The following TAF4B variants were observed in gnomAD, a reference collection of about 807,000 sequenced individuals.
TAF4B encodes transcription initiation factor TFIID subunit 4B.
TAF4B carries 38 observed loss-of-function variants against 86.4 expected under a neutral mutation model. The ratio of observed to expected loss-of-function variants is 0.44; its 90% confidence interval spans 0.34 to 0.58. TAF4B has a LOEUF of 0.58. TAF4B is among the 20% of genes least tolerant of loss of function. The probability of loss-of-function intolerance (pLI) is 0.02; values close to 1 mark genes in which losing one functional copy is unlikely to be tolerated. For synonymous variants in TAF4B, 388 were observed against 391.2 expected (o/e 0.99, Z 0.10); for missense variants, 988 against 1,027.6 (o/e 0.96, Z 0.53).
Position 26,286,150 on chromosome 18 carries a change from C to G in TAF4B, c.1241C>G (p.Ser414Cys), listed in dbSNP as rs751006210. The change falls in exon 7 of 15, where the codon TCT (serine) becomes TGT (cysteine). Residue 414 changes from serine to cysteine, a missense_variant. Ser to Cys is a moderately radical substitution (Grantham distance 112). This residue lies in a region of TAF4B where 747 missense variants were observed against 737.9 expected (regional missense o/e 1.01). Coordinates refer to ENST00000269142, the MANE Select transcript of TAF4B (RefSeq NM_005640.3). ...AAAGCTGGAGTTGTGACACTTCATTCTGTGGGCCCAACTGCTGCAACAGGA... is the reference window on the plus strand; with the variant it reads ...AAAGCTGGAGTTGTGACACTTCATTGTGTGGGCCCAACTGCTGCAACAGGA... ...GAKAGVVTLH[S>C]VGPTAATGGT... 1.2e-6 allele frequency: 2 copies of G among 1,614,208 alleles called. No individual in the cohort carries two copies. The highest frequency in any genetic ancestry group is 1.1e-5 in the South Asian group (1 of 91,090).
intron 5 of TAF4B, among the ~76,000 whole-genome samples, chr18:26,278,715 T>C (rs1303939963): frequency 6.6e-6 from 1 of 152,148 alleles, no homozygotes; most frequent in Non-Finnish European, 1.5e-5. Flanking sequence ...TTACCCATTG[T>C]TGCCTTTGCA....
intron 13 of TAF4B, among the ~76,000 whole-genome samples, chr18:26,338,532 G>C (rs2057111637): frequency 7.3e-6 from 1 of 136,892 alleles, no homozygotes; most frequent in Admixed American, 7.9e-5. Context: ...AGGCTGGAGT[G>C]CAATGGCACG....
Position 26,274,793 on chromosome 18 carries a change from A to G in TAF4B, c.728A>G (p.Asn243Ser), listed in dbSNP as rs1323634113. ...PSNEPNLKAE[N>S]SAAVQINLSP... ...AATGAGCCCAATCTTAAAGCAGAGA[A>G]CTCAGCAGCTGTTCAGATTAATCTT... Residue 243 changes from asparagine (N) to serine (S), a missense_variant, in exon 4 of 15, where the codon AAC (asparagine) becomes AGC (serine). By Grantham distance (46) the Asn-to-Ser change is conservative. This residue lies in a region of TAF4B where 747 missense variants were observed against 737.9 expected (regional missense o/e 1.01). Coordinates refer to ENST00000269142, the MANE Select transcript of TAF4B (RefSeq NM_005640.3). The G allele has an allele frequency of 5.6e-6, 9 of 1,614,024 alleles. No homozygotes were observed. Among genetic ancestry groups the G allele is most frequent in the Non-Finnish European group, 5.1e-6 (6 of 1,180,028 alleles).
chr18:26,317,193 C>A lies in TAF4B; in HGVS notation c.2002+1795C>A, dbSNP rs575713503. On this transcript the variant is annotated intron_variant, in intron 10 of 14. Coordinates refer to ENST00000269142, the MANE Select transcript of TAF4B (RefSeq NM_005640.3). ...TACAGGTGCCCACTACCATGCCCGG[C>A]TAATTTTTTGTATTTTTAGTAGAGA... Among the ~76,000 whole-genome samples the A allele has an allele frequency of 5.9e-5, 9 of 152,072 alleles. No individual in the cohort carries two copies. The South Asian group carries it at 1.9e-3, about 32-fold the overall frequency.
chr18:26,263,577 T>C (rs1415154443), intron 1 of TAF4B, among the ~76,000 whole-genome samples: 1 of 152,228 alleles, frequency 6.6e-6, no homozygotes, highest in African/African-American at 2.4e-5. Flanking sequence ...TTTTGTGGCG[T>C]GTCCTATTAC....
At chr18:26,259,881 T>C (rs1210637988) in intron 1 of TAF4B, among the ~76,000 whole-genome samples, 13 of 152,332 alleles carry the variant, frequency 8.5e-5, no homozygotes, top group South Asian at 8.3e-4. Context: ...AATGGTTGAA[T>C]TAGTTTACAT....
rs34188640 is a variant in TAF4B, at chr18:26,385,679, GTT to G, written c.2422-4152_2422-4151del. Among the ~76,000 whole-genome samples the G allele has an allele frequency of 8.0e-4, 88 of 109,822 alleles. 1 individual carries two copies. Among genetic ancestry groups the G allele is most frequent in the Admixed American group, 2.6e-3 (27 of 10,582 alleles). The allele number at this position is 109,822 out of a possible 152,430, so 72.0% of individuals were successfully genotyped here. On this transcript the variant is annotated intron_variant, in intron 14 of 14. Coordinates refer to ENST00000269142, the MANE Select transcript of TAF4B (RefSeq NM_005640.3). ...ACTAACAGTGAGAAGAATAAACAGC[GTT>G]TTTTTTTTTTTTTCTTCTTCTTCTT... is the stretch of plus-strand genomic sequence containing the variant.
chr18:26,255,300 A>T (rs1188280006), intron 1 of TAF4B, among the ~76,000 whole-genome samples: 1 of 143,092 alleles, frequency 7.0e-6, no homozygotes, highest in Non-Finnish European at 1.6e-5. Context: ...CACTGGCTTC[A>T]GAGTTTGTGG....
chr18:26,269,809 T>C (rs2056290123), intron 3 of TAF4B, among the ~76,000 whole-genome samples: 1 of 152,186 alleles, frequency 6.6e-6, no homozygotes, highest in Non-Finnish European at 1.5e-5. Flanking sequence ...TCTGCTAGTA[T>C]GTGGCAGAGT....
chr18:26,256,237 A>G, intron 1 of TAF4B: 1 of 1,573,404 alleles, frequency 6.4e-7, no homozygotes, highest in Non-Finnish European at 8.7e-7. Context: ...AATCCAGAAC[A>G]GCTGTGGAAG....
chr18:26,378,175 T>G (rs561134685), intron 14 of TAF4B, among the ~76,000 whole-genome samples: 2 of 152,262 alleles, frequency 1.3e-5, no homozygotes, highest in South Asian at 4.1e-4. Context: ...ATTTTGTGGC[T>G]TGGGGCCAGC....
At chr18:26,309,457 C>G (rs1251474661) in intron 9 of TAF4B, among the ~76,000 whole-genome samples, 1 of 151,812 alleles carries the variant, frequency 6.6e-6, no homozygotes, top group Non-Finnish European at 1.5e-5. Flanking sequence ...ACTCAGTGAA[C>G]TAGTATTTTC....
intron 1 of TAF4B, among the ~76,000 whole-genome samples, chr18:26,244,993 C>G (rs1375156746): frequency 6.6e-6 from 1 of 152,142 alleles, no homozygotes; most frequent in Non-Finnish European, 1.5e-5. Flanking sequence ...ACCCTTGGCT[C>G]AGCCCAGAAG....
In TAF4B at chr18:26,285,904, A is replaced by G. The variant is rs75973076; in HGVS notation, c.995A>G (p.Gln332Arg). 3.8e-3 allele frequency: 6,047 copies of G among 1,608,402 alleles called. 203 individuals are homozygous for G. In the African/African-American group the frequency reaches 0.071, roughly 19 times the overall value. ...CAGAAAAGCGTGGTTGCCTTACGAC[A>G]ACTTCTGCCTAACTCCCAGAGCTTC... ...FLKKSVVALR[Q>R]LLPNSQSFIQ... Residue 332 changes from glutamine to arginine, a missense_variant, in exon 7 of 15, where the codon CAA (glutamine) becomes CGA (arginine). Gln to Arg is a conservative substitution (Grantham distance 43). Transcript: ENST00000269142.
At chr18:26,361,979 A>T (rs995099646) in intron 14 of TAF4B, among the ~76,000 whole-genome samples, 5 of 152,144 alleles carry the variant, frequency 3.3e-5, no homozygotes, top group Admixed American at 2.0e-4. Flanking sequence ...TTGTGGCAAG[A>T]GTAGTTACTT....
intron 3 of TAF4B, among the ~76,000 whole-genome samples, chr18:26,272,092 C>A (rs1182363146): frequency 6.6e-6 from 1 of 152,014 alleles, no homozygotes; most frequent in African/African-American, 2.4e-5. Context: ...CCAGGCTCCT[C>A]CCCCTTGCAA....
intron 14 of TAF4B, among the ~76,000 whole-genome samples, chr18:26,368,836 G>A (rs939610561): frequency 6.6e-6 from 1 of 151,932 alleles, no homozygotes; most frequent in African/African-American, 2.4e-5. Context: ...AAGACTTAAA[G>A]GTTGACTCTT....
rs1265353423 is a variant in TAF4B, at chr18:26,298,680, A to T, written c.1832+5149A>T. On this transcript the variant is annotated intron_variant, in intron 9 of 14. Coordinates refer to ENST00000269142, the MANE Select transcript of TAF4B (RefSeq NM_005640.3). The stretch of plus-strand genomic sequence containing the variant: ...CTCAAGTAGCTAGGACTACAGGTGT[A>T]CATTACCATGCCCAAGTAACTTTTT... 5.9e-5 allele frequency among the ~76,000 whole-genome samples: 9 copies of T among 151,930 alleles called. No individual in the cohort carries two copies. The East Asian group carries it at 1.7e-3, about 29-fold the overall frequency.
chr18:26,228,278 A>T (rs1384157170), intron 1 of TAF4B, among the ~76,000 whole-genome samples: 1 of 152,230 alleles, frequency 6.6e-6, no homozygotes, highest in Non-Finnish European at 1.5e-5. Context: ...AAGATGGTAA[A>T]AAAGGGGAAG....
Sources: gnomAD v4.1 joint callset for allele counts (sites outside exome capture counted in the v4.1 genomes callset) on GRCh38, gnomAD v4.1.1 for gene constraint, gnomAD v4.1.1 regional missense constraint, MANE v1.5 for transcripts, NCBI Gene and HGNC (gene_info 2026-07-23, HGNC 2026-07-21) for gene names.